COL4A5: variants seen among roughly 807,000 people sequenced by gnomAD.
COL4A5 encodes the protein collagen alpha-5(IV) chain.
A neutral mutation model predicts 130.2 loss-of-function variants in COL4A5; 26 were observed. The ratio of observed to expected loss-of-function variants is 0.20; its 90% confidence interval spans 0.15 to 0.28. The LOEUF is 0.28. Ranked by LOEUF, COL4A5 falls within the 10% of genes least tolerant of loss-of-function variation. The pLI is 1.00. For synonymous variants in COL4A5, 496 were observed against 439.6 expected (o/e 1.13, Z -1.60); for missense variants, 1,131 against 1,344.3 (o/e 0.84, Z 2.48).
At chrX:108,641,917 A>C (rs767625574) in intron 36 of COL4A5, among the ~76,000 whole-genome samples, 1 of 112,037 alleles carries the variant, frequency 8.9e-6, no homozygotes, top group African/African-American at 3.2e-5. Flanking sequence ...GCATGAATCC[A>C]GTGTGCAGAC....
intron 2 of COL4A5, among the ~76,000 whole-genome samples, chrX:108,557,446 A>G (rs2065838731): frequency 8.9e-6 from 1 of 112,072 alleles, no homozygotes; most frequent in African/African-American, 3.2e-5. Flanking sequence ...ATATGTCAGT[A>G]ATAATTATTG....
intron 1 of COL4A5, among the ~76,000 whole-genome samples, chrX:108,491,646 C>T (rs1192818342): frequency 9.0e-6 from 1 of 111,423 alleles, no homozygotes; most frequent in Non-Finnish European, 1.9e-5. Context: ...TTTTAGCTTA[C>T]CCTTGTCCCA....
Position 108,643,650 on chromosome X carries a change from C to T in COL4A5, c.3247-11681C>T, listed in dbSNP as rs188119934. Among the ~76,000 whole-genome samples, 9 of 111,652 alleles carry T rather than the reference C, an allele frequency of 8.1e-5. No homozygotes were observed. In the East Asian group the frequency reaches 1.1e-3, roughly 14 times the overall value. On this transcript the variant is annotated intron_variant, in intron 36 of 52. Transcript: ENST00000328300. Reference sequence around the variant, plus strand: ...TATTAAGGAAAGATACAGTTGTTTTCGCACAAACAAATGCTGAGAGAATTC... The same window carrying T: ...TATTAAGGAAAGATACAGTTGTTTTTGCACAAACAAATGCTGAGAGAATTC...
At chrX:108,462,680 G>A (rs1233955350) in intron 1 of COL4A5, 1 of 112,886 alleles carries the variant, frequency 8.9e-6, no homozygotes, top group Non-Finnish European at 1.9e-5. Context: ...TGGGATTACA[G>A]GCCTGAGCCA....
intron 52 of COL4A5, 100 bp from the exon 53 acceptor site, chrX:108,696,197 T>C (rs1049514044): frequency 2.3e-5 from 15 of 662,910 alleles, no homozygotes; most frequent in Non-Finnish European, 3.5e-5. Context: ...CCAAGAGAGC[T>C]ACTTAACACA....
intron 41 of COL4A5, among the ~76,000 whole-genome samples, chrX:108,669,373 G>A (rs2068151736): frequency 8.9e-6 from 1 of 112,160 alleles, no homozygotes; most frequent in Admixed American, 9.5e-5. Flanking sequence ...AATGAAAAAT[G>A]TTATTTATAT....
At chrX:108,682,344 G>A (rs6611585) in intron 47 of COL4A5, among the ~76,000 whole-genome samples, 11,609 of 111,458 alleles carry the variant, frequency 0.1, 1,300 homozygotes, top group African/African-American at 0.34. Context: ...GAACAGTGCT[G>A]CAATAAACAT....
intron 1 of COL4A5, among the ~76,000 whole-genome samples, chrX:108,503,339 A>T (rs2065097940): frequency 8.9e-6 from 1 of 112,139 alleles, no homozygotes; most frequent in Non-Finnish European, 1.9e-5. Context: ...CCTCGTAAGA[A>T]CTTGAACAAG....
intron 1 of COL4A5, among the ~76,000 whole-genome samples, chrX:108,463,206 T>G (rs1245193776): frequency 8.9e-6 from 1 of 112,255 alleles, no homozygotes; most frequent in Non-Finnish European, 1.9e-5. Flanking sequence ...CTAGTTGAAT[T>G]CAGAATATTA....
chrX:108,453,140 G>A (rs982010457), intron 1 of COL4A5, among the ~76,000 whole-genome samples: 2 of 111,188 alleles, frequency 1.8e-5, no homozygotes, highest in African/African-American at 3.3e-5. Context: ...ATTGATTTGC[G>A]TATATTGAAC....
chrX:108,526,163 C>A (rs1474594716), intron 1 of COL4A5, among the ~76,000 whole-genome samples: 2 of 111,348 alleles, frequency 1.8e-5, no homozygotes, highest in Non-Finnish European at 3.8e-5. Flanking sequence ...GGAGAAGGAG[C>A]CCTGGTTTAT....
intron 3 of COL4A5, among the ~76,000 whole-genome samples, chrX:108,562,266 T>A (rs1382603312): frequency 8.9e-6 from 1 of 111,803 alleles, no homozygotes; most frequent in African/African-American, 3.2e-5. Context: ...AGATTAAACT[T>A]CAGCCATGTT....
intron 48 of COL4A5, among the ~76,000 whole-genome samples, chrX:108,687,148 C>T (rs764252307): frequency 9.8e-5 from 11 of 112,268 alleles, no homozygotes; most frequent in East Asian, 5.6e-4. Flanking sequence ...TTCCCCCAGA[C>T]GGATTCAAAG....
At chrX:108,472,814 A>G (rs2064787221) in intron 1 of COL4A5, among the ~76,000 whole-genome samples, 1 of 112,013 alleles carries the variant, frequency 8.9e-6, no homozygotes, top group South Asian at 3.7e-4. Context: ...ATCTTATGGT[A>G]ATAACACTTT....
chrX:108,639,840 C>T (rs774886400), intron 36 of COL4A5, among the ~76,000 whole-genome samples: 5 of 111,918 alleles, frequency 4.5e-5, no homozygotes, highest in Admixed American at 9.5e-5. Flanking sequence ...AGTGAGATAA[C>T]ACTTCATACC....
intron 36 of COL4A5, among the ~76,000 whole-genome samples, chrX:108,643,220 TAAAC>T (rs2067506761): frequency 8.9e-6 from 1 of 112,057 alleles, no homozygotes; most frequent in South Asian, 3.7e-4. Flanking sequence ...AAGATTATGT[TAAAC>T]AACCAAACCT....
intron 42 of COL4A5, 140 bp downstream of exon 42, chrX:108,670,376 T>G (rs1219159686): frequency 9.6e-7 from 1 of 1,043,212 alleles, no homozygotes; most frequent in East Asian, 3.2e-5. Context: ...TCTCTTTAAG[T>G]TTTTAGGAAC....
At chrX:108,553,149 G>C (rs187115285) in intron 2 of COL4A5, among the ~76,000 whole-genome samples, 1 of 111,153 alleles carries the variant, frequency 9.0e-6, no homozygotes, top group African/African-American at 3.3e-5. Flanking sequence ...GAAACAAAGG[G>C]GAAAATCCTT....
chrX:108,559,923 T>C (rs1345790315), intron 3 of COL4A5, among the ~76,000 whole-genome samples: 1 of 111,066 alleles, frequency 9.0e-6, no homozygotes, highest in Non-Finnish European at 1.9e-5. Context: ...AGGGTAGCTG[T>C]CCCTTATGAG....
Sources: allele counts gnomAD v4.1 joint callset (sites outside exome capture counted in the v4.1 genomes callset), GRCh38; gene constraint gnomAD v4.1.1; transcripts MANE v1.5; gene names NCBI Gene and HGNC (gene_info 2026-07-23, HGNC 2026-07-21).